The following GRAMD1B variants were observed in gnomAD, a reference collection of about 807,000 sequenced individuals.
The protein encoded by GRAMD1B is protein Aster-B.
In GRAMD1B, 37 loss-of-function variants were observed where a neutral mutation model predicts 99.7. The ratio of observed to expected loss-of-function variants is 0.37; its 90% CI spans 0.29 to 0.49. The LOEUF (loss-of-function observed/expected upper bound fraction) is 0.49. Among genes scored for constraint, GRAMD1B ranks in the 20% least tolerant of loss-of-function variants. The probability of loss-of-function intolerance (pLI) is 0.98; values close to 1 mark genes in which losing one functional copy is unlikely to be tolerated. For synonymous variants in GRAMD1B, 427 were observed against 387.6 expected (o/e 1.10, Z -1.19); for missense variants, 888 against 1,009.2 (o/e 0.88, Z 1.63).
chr11:123,363,881 T>A (rs1946231262), intron 1 of GRAMD1B, among the ~76,000 whole-genome samples: 1 of 152,168 alleles, frequency 6.6e-6, no homozygotes. Flanking sequence ...CTTCCTTAAG[T>A]CCCAGAAGAT....
chr11:123,465,861 G>A (rs1415626434), intron 1 of GRAMD1B, among the ~76,000 whole-genome samples: 1 of 152,054 alleles, frequency 6.6e-6, no homozygotes, highest in African/African-American at 2.4e-5. Context: ...AAACAGAAGT[G>A]AAAGCTCTCT....
chr11:123,506,744 AC>A (rs1174540528), intron 2 of GRAMD1B, among the ~76,000 whole-genome samples: 3 of 150,610 alleles, frequency 2.0e-5, no homozygotes, highest in Non-Finnish European at 4.4e-5. Context: ...CTGAATTAGT[AC>A]CCCTCCCCCT....
At chr11:123,604,947 G>T (rs79374353) in intron 9 of GRAMD1B, among the ~76,000 whole-genome samples, 3,526 of 152,278 alleles carry the variant, frequency 0.023, 137 homozygotes, top group African/African-American at 0.079. Context: ...GTTTGGGAAA[G>T]GAAATGCATG....
At chr11:123,600,573 A>G (rs762352392) in intron 8 of GRAMD1B, 25 bp downstream of exon 8, 10 of 1,449,972 alleles carry the variant, frequency 6.9e-6, no homozygotes, top group Admixed American at 6.8e-5. Context: ...GTTTGCTTTT[A>G]CTGTGGGACT....
At chr11:123,545,919 G>C (rs560543985) in intron 2 of GRAMD1B, among the ~76,000 whole-genome samples, 50 of 152,334 alleles carry the variant, frequency 3.3e-4, no homozygotes, top group African/African-American at 1.2e-3. Flanking sequence ...TGCGTGACTT[G>C]TTCTGCAAAG....
At chr11:123,536,258 C>T (rs566243004) in intron 2 of GRAMD1B, among the ~76,000 whole-genome samples, 7 of 152,020 alleles carry the variant, frequency 4.6e-5, no homozygotes, top group African/African-American at 7.2e-5. Flanking sequence ...CTACCAAAAA[C>T]GTGAAAATTA....
At chr11:123,501,655 C>G (rs1400760869) in intron 2 of GRAMD1B, among the ~76,000 whole-genome samples, 2 of 152,164 alleles carry the variant, frequency 1.3e-5, no homozygotes, top group Non-Finnish European at 2.9e-5. Flanking sequence ...ATGGCCATCC[C>G]TTGGCAAGCT....
chr11:123,403,678 G>A (rs888490977), intron 1 of GRAMD1B, among the ~76,000 whole-genome samples: 1 of 151,420 alleles, frequency 6.6e-6, no homozygotes, highest in Non-Finnish European at 1.5e-5. Context: ...CGAGTAGCTG[G>A]GATTACAGGC....
intron 3 of GRAMD1B, 104 bp from the exon 4 acceptor site, chr11:123,584,208 C>T (rs1252007273): frequency 4.4e-6 from 3 of 686,226 alleles, no homozygotes; most frequent in Non-Finnish European, 7.8e-6. Context: ...ATTTGGACCC[C>T]TCCTCCCTGC....
chr11:123,436,503 C>T (rs1949165061), intron 1 of GRAMD1B, among the ~76,000 whole-genome samples: 1 of 152,176 alleles, frequency 6.6e-6, no homozygotes, highest in Non-Finnish European at 1.5e-5. Context: ...ATCACTCAGT[C>T]ATCAAACAGG....
chr11:123,557,204 T>A (rs1053144407), intron 2 of GRAMD1B, among the ~76,000 whole-genome samples: 5 of 152,248 alleles, frequency 3.3e-5, no homozygotes, highest in African/African-American at 1.2e-4. Context: ...ACATAAATAG[T>A]ACTCTTTTGC....
At position 123,622,621 on chromosome 11, in the gene GRAMD1B, G is replaced by A. The variant is rs540753110; in HGVS notation, c.*26G>A. 118 of 1,138,276 alleles carry A rather than the reference G, an allele frequency of 1.0e-4. 2 individuals carry two copies. In the East Asian group the frequency reaches 1.6e-3, roughly 16 times the overall value. The allele number at this position is 1,138,276 out of a possible 1,614,324, so 70.5% of individuals were successfully genotyped here. A position where few individuals can be genotyped will look rare whatever the true frequency, so the allele number is the denominator to read the frequency against. Reference sequence around the variant, plus strand: ...CAAGGCAGGAACAGGGTGGCTGCAAGAGGCCTGTGCAATACATGTACATAG... The same window carrying A: ...CAAGGCAGGAACAGGGTGGCTGCAAAAGGCCTGTGCAATACATGTACATAG... On this transcript the variant is annotated 3_prime_UTR_variant, in exon 20 of 20. Transcript: ENST00000635736.
At position 123,625,973 on chromosome 11, in the gene GRAMD1B, A is replaced by AGAGGGAGG. The variant is rs1555112797; in HGVS notation, c.*3381_*3382insGGAGGGAG. 7.2e-6 allele frequency: 1 copy of AGAGGGAGG among 139,748 alleles called. No homozygotes were observed. Among genetic ancestry groups the AGAGGGAGG allele is most frequent in the Non-Finnish European group, 1.6e-5 (1 of 63,912 alleles). 8.7% of individuals were successfully genotyped at this position (139,748 alleles called of 1,614,324 possible). ...GAGAGAGAGAGAGAGAGAGAGAGAG[A>AGAGGGAGG]GAGAGAGATCGAGCTTGATGTATTG... On this transcript the variant is annotated 3_prime_UTR_variant, in exon 20 of 20. Transcript: ENST00000635736.
At position 123,623,810 on chromosome 11, in the gene GRAMD1B, G is replaced by A. The variant is rs1205683839; in HGVS notation, c.*1215G>A. ...CAGGAAAAGGCCAAGTGAAATCTAT[G>A]CCCTACGGGAGCCATTCCCAATCCT... On this transcript the variant is annotated 3_prime_UTR_variant, in exon 20 of 20. Coordinates refer to ENST00000635736, the MANE Select transcript of GRAMD1B (RefSeq NM_001387025.1). 6.6e-6 allele frequency: 1 copy of A among 152,330 alleles called. No individual in the cohort carries two copies. The highest frequency in any genetic ancestry group is 2.4e-5 in the African/African-American group (1 of 41,474). The allele number at this position is 152,330 out of a possible 1,614,324, so 9.4% of individuals were successfully genotyped here.
chr11:123,499,080 G>T (rs1241376685), intron 2 of GRAMD1B, among the ~76,000 whole-genome samples: 2 of 152,162 alleles, frequency 1.3e-5, no homozygotes, highest in Non-Finnish European at 2.9e-5. Flanking sequence ...GGTATGGTTT[G>T]GTTGTGACCC....
chr11:123,436,902 G>T (rs564622634), intron 1 of GRAMD1B, among the ~76,000 whole-genome samples: 2 of 151,992 alleles, frequency 1.3e-5, no homozygotes, highest in African/African-American at 4.8e-5. Context: ...ATCCCTCCCC[G>T]CTCACCCTAC....
At chr11:123,363,509 A>G (rs925506765) in intron 1 of GRAMD1B, among the ~76,000 whole-genome samples, 1 of 152,180 alleles carries the variant, frequency 6.6e-6, no homozygotes, top group Non-Finnish European at 1.5e-5. Flanking sequence ...TAGTAGGAAG[A>G]ACCCCAGTTA....
intron 17 of GRAMD1B, chr11:123,618,202 C>T (rs1954698081): frequency 2.8e-6 from 2 of 720,932 alleles, no homozygotes; most frequent in Non-Finnish European, 5.0e-6. Context: ...TCGTCTCATC[C>T]ATTGTGTCTT....
At chr11:123,571,120 G>A (rs1948029960) in intron 2 of GRAMD1B, among the ~76,000 whole-genome samples, 1 of 152,230 alleles carries the variant, frequency 6.6e-6, no homozygotes. Context: ...AATATCTGGG[G>A]CAGAAATGAT....
Sources: allele counts gnomAD v4.1 joint callset (sites outside exome capture counted in the v4.1 genomes callset), GRCh38; gene constraint gnomAD v4.1.1; transcripts MANE v1.5; gene names NCBI Gene and HGNC (gene_info 2026-07-23, HGNC 2026-07-21).